The following KIAA0586 variants were observed in gnomAD, a reference collection of about 807,000 sequenced individuals.
KIAA0586 encodes protein TALPID3.
A neutral mutation model predicts 169.8 loss-of-function variants in KIAA0586; 144 were observed. That is an observed-to-expected ratio of 0.85 (90% CI 0.74 to 0.97). The LOEUF is 0.97. KIAA0586 is among the 50% of genes least tolerant of loss of function. The pLI is 0.00. For missense variants in KIAA0586, 1,854 were observed against 1,823.0 expected (o/e 1.02, Z -0.31); for synonymous variants, 625 against 612.4 (o/e 1.02, Z -0.30).
Position 58,492,271 on chromosome 14 carries a change from C to G in KIAA0586, c.3986C>G (p.Ser1329Ter). Residue 1329 changes from serine (S) to a stop codon, truncating the protein, a stop_gained, in exon 26 of 31, where the codon TCA becomes TGA. Coordinates refer to ENST00000652326, the MANE Select transcript of KIAA0586 (RefSeq NM_001329943.3). LOFTEE classifies it high-confidence loss of function. Reference protein sequence around the residue: ...SAVSQQAVYHSEDLENSVGEL... With the variant: ...SAVSQQAVYH The stretch of plus-strand genomic sequence containing the variant: ...GTTTCCCAGCAAGCAGTCTATCATT[C>G]AGAGGTACTTTTTAACTTTAATGAC... 1 of 1,540,550 alleles carries G rather than the reference C, an allele frequency of 6.5e-7. No individual in the cohort carries two copies. Among genetic ancestry groups the G allele is most frequent in the Non-Finnish European group, 8.7e-7 (1 of 1,144,200 alleles).
At chr14:58,427,696 G>A, upstream of KIAA0586, 1 of 1,535,432 alleles carries the variant, frequency 6.5e-7, no homozygotes, top group Non-Finnish European at 8.7e-7. Flanking sequence ...AGGGAAGTGG[G>A]TGTTGACCTG....
Position 58,455,299 on chromosome 14 carries a change from C to T in KIAA0586, c.1254-1403C>T, listed in dbSNP as rs184422239. Among the ~76,000 whole-genome samples the T allele has an allele frequency of 9.7e-4, 148 of 152,222 alleles. 1 individual carries two copies. Among genetic ancestry groups the T allele is most frequent in the Non-Finnish European group, 2.6e-4 (18 of 68,014 alleles). On this transcript the variant is annotated intron_variant, in intron 9 of 30. Transcript: ENST00000652326. ...AGTAATAGCTGATTTATAGTCTTTGCCTAGTAAGTCTAATATCTGGGATTC... is the reference window on the plus strand; with the variant it reads ...AGTAATAGCTGATTTATAGTCTTTGTCTAGTAAGTCTAATATCTGGGATTC...
At chr14:58,509,698 CAGGAAAA>C (rs1372867788) in intron 28 of KIAA0586, among the ~76,000 whole-genome samples, 1 of 152,022 alleles carries the variant, frequency 6.6e-6, no homozygotes, top group African/African-American at 2.4e-5. Context: ...AAGCAATGAT[CAGGAAAA>C]ACTAGTTAAT....
intron 26 of KIAA0586, among the ~76,000 whole-genome samples, chr14:58,494,630 C>A (rs1028909673): frequency 2.0e-5 from 3 of 152,024 alleles, no homozygotes; most frequent in African/African-American, 7.2e-5. Context: ...GGTCACTGTC[C>A]CTGCTGTTTG....
chr14:58,428,399 G>C lies in KIAA0586; in HGVS notation c.135G>C (p.Pro45=). ...AAGATGAGTTGCCCTGTGTTCCTCC[G>C]GCATTGTCTGCAAATAAACGTCTTC... ...LLKDELPCVP[P]ALSANKRLPV... The change falls in exon 1 of 31, where the codon CCG becomes CCC. Residue 45 remains proline (P), a synonymous_variant. Coordinates refer to ENST00000652326, the MANE Select transcript of KIAA0586 (RefSeq NM_001329943.3). 6.2e-7 allele frequency: 1 copy of C among 1,613,922 alleles called. No individual in the cohort carries two copies. Among genetic ancestry groups the C allele is most frequent in the Non-Finnish European group, 8.5e-7 (1 of 1,179,876 alleles).
At chr14:58,440,890 T>C (rs1421334169) in intron 4 of KIAA0586, 1 of 152,808 alleles carries the variant, frequency 6.5e-6, no homozygotes, top group African/African-American at 2.4e-5. Context: ...TAATTTCTCT[T>C]AGACAGGGTT....
chr14:58,435,312 T>C (rs949307431), intron 4 of KIAA0586, among the ~76,000 whole-genome samples: 1 of 152,204 alleles, frequency 6.6e-6, no homozygotes, highest in African/African-American at 2.4e-5. Flanking sequence ...TTTAATGACA[T>C]TTTATGCCCA....
chr14:58,535,766 T>G (rs2046247400), intron 29 of KIAA0586, among the ~76,000 whole-genome samples: 1 of 151,986 alleles, frequency 6.6e-6, no homozygotes, highest in African/African-American at 2.4e-5. Flanking sequence ...TGTTACTAAT[T>G]TTAGATGTCT....
chr14:58,547,803 C>T lies in KIAA0586; in HGVS notation c.4518C>T (p.Ser1506=), dbSNP rs751495718. The T allele has an allele frequency of 1.2e-5, 20 of 1,613,562 alleles. No individual in the cohort carries two copies. Among genetic ancestry groups the T allele is most frequent in the South Asian group, 4.4e-5 (4 of 91,040 alleles). Reference sequence around the variant, plus strand: ...CAGGTGGGAAAGCAGTGCCACTCTCCGCTTCACAGATGCCCCCTGCCAAGA... The same window carrying T: ...CAGGTGGGAAAGCAGTGCCACTCTCTGCTTCACAGATGCCCCCTGCCAAGA... The part of the protein sequence containing the change: ...VFSGGKAVPL[S]ASQMPPAKMS... Residue 1506 remains serine, a synonymous_variant, in exon 31 of 31, where the codon TCC becomes TCT. Transcript: ENST00000652326.
At chr14:58,486,671 A>G (rs1473767653) in intron 21 of KIAA0586, among the ~76,000 whole-genome samples, 3 of 152,248 alleles carry the variant, frequency 2.0e-5, no homozygotes, top group Non-Finnish European at 4.4e-5. Context: ...TTTAAAAACA[A>G]ACAACTACAA....
Position 58,474,708 on chromosome 14 carries a change from G to A in KIAA0586, c.2736G>A (p.Pro912=), listed in dbSNP as rs368984896. ...DSTKYNGPPF[P]PVASTFQPTA... ...CAAAATATAATGGTCCTCCATTTCC[G>A]CCAGTTGCTTCTACTTTTCAGCCCA... Residue 912 remains proline, a synonymous_variant, in exon 19 of 31, where the codon CCG becomes CCA. Coordinates refer to ENST00000652326, the MANE Select transcript of KIAA0586 (RefSeq NM_001329943.3). The A allele has an allele frequency of 1.6e-4, 265 of 1,613,106 alleles. No homozygotes were observed. Among genetic ancestry groups the A allele is most frequent in the Non-Finnish European group, 2.1e-4 (246 of 1,179,476 alleles).
rs181454431 is a variant in KIAA0586 at position 58,488,977 on chromosome 14, C to T, written c.3781+103C>T. The stretch of plus-strand genomic sequence containing the variant: ...TTTTTACTTAACTTTCAAGATTTAA[C>T]ATGGTATAGTAGAAAGAATAGGGGA... On this transcript the variant is annotated intron_variant, in intron 24 of 30. Transcript: ENST00000652326. The T allele has an allele frequency of 2.0e-4, 256 of 1,253,178 alleles. No homozygotes were observed. The African/African-American group carries it at 3.5e-3, about 17-fold the overall frequency. The allele number at this position is 1,253,178 out of a possible 1,614,324, so 77.6% of individuals were successfully genotyped here.
intron 16 of KIAA0586, 116 bp from the exon 17 acceptor site, chr14:58,470,497 C>A (rs757444591): frequency 2.2e-4 from 94 of 426,458 alleles, no homozygotes; most frequent in Non-Finnish European, 3.2e-5. Flanking sequence ...AAAGGGCATG[C>A]TTTGTTTTTA....
At chr14:58,528,033 CA>C (rs1162472144) in intron 29 of KIAA0586, among the ~76,000 whole-genome samples, 1 of 151,428 alleles carries the variant, frequency 6.6e-6, no homozygotes, top group Non-Finnish European at 1.5e-5. Flanking sequence ...AAATGGAAAG[CA>C]AAAAAAGCAT....
intron 29 of KIAA0586, chr14:58,537,143 A>T: frequency 2.7e-6 from 3 of 1,093,028 alleles, no homozygotes; most frequent in Non-Finnish European, 3.4e-6. Flanking sequence ...CTTCCAGTAA[A>T]CCTCGTAAAT....
At position 58,487,232 on chromosome 14, in the gene KIAA0586, T is replaced by C. The variant is rs931934718; in HGVS notation, c.3304+66T>C. Reference sequence around the variant, plus strand: ...ACTATTAAATTTCATGATTTGTATATGTACTTGTTGCTTACTAGGTTTTAG... The same window carrying C: ...ACTATTAAATTTCATGATTTGTATACGTACTTGTTGCTTACTAGGTTTTAG... On this transcript the variant is annotated intron_variant, in intron 22 of 30. Coordinates refer to ENST00000652326, the MANE Select transcript of KIAA0586 (RefSeq NM_001329943.3). 19 of 1,313,066 alleles carry C rather than the reference T, an allele frequency of 1.4e-5. No individual in the cohort carries two copies. The Middle Eastern group carries it at 1.4e-3, about 96-fold the overall frequency. The allele number at this position is 1,313,066 out of a possible 1,614,324, so 81.3% of individuals were successfully genotyped here. A position where few individuals can be genotyped will look rare whatever the true frequency, so the allele number is the denominator to read the frequency against.
At chr14:58,443,599 A>G (rs1555376658) in intron 5 of KIAA0586, among the ~76,000 whole-genome samples, 3 of 151,872 alleles carry the variant, frequency 2.0e-5, no homozygotes, top group Admixed American at 6.6e-5. Context: ...AATTTTTTGT[A>G]TTTTAGTAGA....
intron 29 of KIAA0586, among the ~76,000 whole-genome samples, chr14:58,534,446 A>C (rs2046164973): frequency 6.6e-6 from 1 of 152,246 alleles, no homozygotes; most frequent in Admixed American, 6.5e-5. Flanking sequence ...GAAAGGAATT[A>C]AATGTGAATT....
At chr14:58,522,999 TTTTA>T (rs1442864060) in intron 29 of KIAA0586, among the ~76,000 whole-genome samples, 11 of 152,112 alleles carry the variant, frequency 7.2e-5, no homozygotes, top group African/African-American at 1.4e-4. Context: ...GATTTATACT[TTTTA>T]TTTAAGAGGT....
Sources: allele counts gnomAD v4.1 joint callset (sites outside exome capture counted in the v4.1 genomes callset), GRCh38; gene constraint gnomAD v4.1.1; transcripts MANE v1.5; gene names NCBI Gene and HGNC (gene_info 2026-07-23, HGNC 2026-07-21).